Variants in PLAG1 observed in about 807,000 individuals in gnomAD.
PLAG1 encodes the protein PLAG1 zinc finger, also known as zinc finger protein PLAG1.
In PLAG1, 7 loss-of-function variants were observed where a neutral mutation model predicts 35.5. That is an observed-to-expected ratio of 0.20 (90% CI 0.11 to 0.37). PLAG1 has a LOEUF of 0.37. Ranked by LOEUF, PLAG1 falls within the 10% of genes least tolerant of loss-of-function variation. The pLI, the probability that PLAG1 is intolerant of heterozygous loss-of-function variation, is 1.00. For synonymous variants in PLAG1, 229 were observed against 225.4 expected, an observed-to-expected ratio of 1.02 and a Z score of -0.14; for missense variants, 454 against 602.8, an observed-to-expected ratio of 0.75 and a Z score of 2.58.
intron 1 of PLAG1, among the ~76,000 whole-genome samples, chr8:56,205,333 AT>A (rs1044042553): frequency 1.3e-5 from 2 of 151,850 alleles, no homozygotes; most frequent in Non-Finnish European, 3.0e-5. Context: ...GCAAAAAGTA[AT>A]TTTTCTTATT....
chr8:56,184,186 C>T (rs1563382821), intron 1 of PLAG1, among the ~76,000 whole-genome samples: 1 of 152,124 alleles, frequency 6.6e-6, no homozygotes, highest in Admixed American at 6.5e-5. Flanking sequence ...AAGATCTGAT[C>T]AGACATTTCA....
intron 1 of PLAG1, among the ~76,000 whole-genome samples, chr8:56,192,914 A>C (rs1033119633): frequency 2.6e-5 from 4 of 152,178 alleles, no homozygotes; most frequent in Admixed American, 2.0e-4. Flanking sequence ...AAAAGACAAA[A>C]AACCCGTTTC....
chr8:56,196,609 C>T (rs574706070), intron 1 of PLAG1, among the ~76,000 whole-genome samples: 1 of 152,180 alleles, frequency 6.6e-6, no homozygotes, highest in South Asian at 2.1e-4. Flanking sequence ...GCGAGCGTTT[C>T]CTGCCCCAAG....
At chr8:56,180,216 A>C (rs1320219115) in intron 1 of PLAG1, among the ~76,000 whole-genome samples, 4 of 152,260 alleles carry the variant, frequency 2.6e-5, no homozygotes, top group African/African-American at 9.6e-5. Context: ...AAAAGAAGCC[A>C]CAAGTTCTAT....
intron 2 of PLAG1, among the ~76,000 whole-genome samples, chr8:56,178,624 C>T (rs1192946880): frequency 6.6e-6 from 1 of 152,122 alleles, no homozygotes; most frequent in Non-Finnish European, 1.5e-5. Flanking sequence ...TGCCCAAGGC[C>T]TCCTTTCCCC....
chr8:56,189,549 C>A (rs1422218139), intron 1 of PLAG1, among the ~76,000 whole-genome samples: 2 of 152,170 alleles, frequency 1.3e-5, no homozygotes, highest in Non-Finnish European at 2.9e-5. Context: ...GTCACCAGTT[C>A]TACCATCAAG....
chr8:56,180,932 A>C (rs528073284), intron 1 of PLAG1, among the ~76,000 whole-genome samples: 1 of 152,310 alleles, frequency 6.6e-6, no homozygotes, highest in East Asian at 1.9e-4. Context: ...GACATTTGAA[A>C]CATATGAAAT....
rs138489179 is a variant in PLAG1, at chr8:56,167,310, T to C, written c.436A>G (p.Thr146Ala). ...FKRHLALHAA[T>A]SGDLTCKVCL... Reference sequence around the variant, plus strand: ...ACCTTACAGGTGAGGTCACCACTTGTTGCGGCATGCAAGGCCAAGTGACGT... The same window carrying C: ...ACCTTACAGGTGAGGTCACCACTTGCTGCGGCATGCAAGGCCAAGTGACGT... Residue 146 changes from threonine (T) to alanine (A), a missense_variant, in exon 5 of 5, where the codon ACA becomes GCA. Physicochemically the swap from Thr to Ala is moderately conservative, Grantham distance 58 (BLOSUM62 0). Coordinates refer to ENST00000316981, the MANE Select transcript of PLAG1 (RefSeq NM_002655.3). The surrounding 1 kb of genome is among the most constrained non-coding windows in gnomAD (Gnocchi z 5.9). 1.1e-4 allele frequency: 173 copies of C among 1,613,966 alleles called. No individual in the cohort carries two copies. Among genetic ancestry groups the C allele is most frequent in the Non-Finnish European group, 1.1e-4 (135 of 1,180,006 alleles).
chr8:56,203,532 A>T (rs2129235002), intron 1 of PLAG1, among the ~76,000 whole-genome samples: 1 of 152,238 alleles, frequency 6.6e-6, no homozygotes, highest in Non-Finnish European at 1.5e-5. Flanking sequence ...CATACAGCAT[A>T]GTTAAATCAG....
chr8:56,200,610 C>A (rs1029145830), intron 1 of PLAG1, among the ~76,000 whole-genome samples: 2 of 152,222 alleles, frequency 1.3e-5, no homozygotes, highest in Non-Finnish European at 2.9e-5. Context: ...AGGCTTTTCA[C>A]AATCAGATCT....
At chr8:56,191,315 G>A (rs535098438) in intron 1 of PLAG1, among the ~76,000 whole-genome samples, 59 of 152,298 alleles carry the variant, frequency 3.9e-4, no homozygotes, top group African/African-American at 1.4e-3. Flanking sequence ...CTAGAGAGAA[G>A]GAGGCCCAGA....
rs113113938 is a variant in PLAG1, at chr8:56,162,354, G to A, written c.*3889C>T. ...GGGAAGACAGTGTGCTTTGAGACAC[G>A]TAAACCTTGTAAAAAAATAAACCAT... is the stretch of plus-strand genomic sequence containing the variant. On this transcript the variant is annotated 3_prime_UTR_variant, in exon 5 of 5. Transcript: ENST00000316981. 2.0e-3 allele frequency: 450 copies of A among 223,464 alleles called. 3 individuals are homozygous for A. Among genetic ancestry groups the A allele is most frequent in the African/African-American group, 9.4e-3 (422 of 44,966 alleles). The allele number at this position is 223,464 out of a possible 1,614,324, so 13.8% of individuals were successfully genotyped here. A position where few individuals can be genotyped will look rare whatever the true frequency, so the allele number is the denominator to read the frequency against.
chr8:56,172,179 A>G (rs1811548626), intron 2 of PLAG1, among the ~76,000 whole-genome samples: 1 of 152,250 alleles, frequency 6.6e-6, no homozygotes, highest in Non-Finnish European at 1.5e-5. Context: ...ATCTAAAAAT[A>G]TCCCCTGTAA....
intron 1 of PLAG1, among the ~76,000 whole-genome samples, chr8:56,198,683 A>AC (rs1002077046): frequency 3.9e-5 from 6 of 152,080 alleles, no homozygotes; most frequent in Admixed American, 2.0e-4. Context: ...CTCCTGGCCC[A>AC]CCCCTTCTCA....
At chr8:56,177,453 A>G (rs1811735951) in intron 2 of PLAG1, among the ~76,000 whole-genome samples, 1 of 152,150 alleles carries the variant, frequency 6.6e-6, no homozygotes, top group African/African-American at 2.4e-5. Flanking sequence ...AACAATTAGA[A>G]GAGGTTTGTT....
At chr8:56,208,826 C>G (rs1447791177) in intron 1 of PLAG1, among the ~76,000 whole-genome samples, 1 of 152,148 alleles carries the variant, frequency 6.6e-6, no homozygotes, top group African/African-American at 2.4e-5. Context: ...TAAACACTTT[C>G]TGTTAAATAA....
At chr8:56,171,721 T>C (rs1353188274) in intron 2 of PLAG1, among the ~76,000 whole-genome samples, 1 of 152,202 alleles carries the variant, frequency 6.6e-6, no homozygotes, top group Non-Finnish European at 1.5e-5. Context: ...TTTTTCAGGA[T>C]GCTGCAAGGA....
At chr8:56,195,466 C>A (rs547105324) in intron 1 of PLAG1, among the ~76,000 whole-genome samples, 9 of 152,302 alleles carry the variant, frequency 5.9e-5, no homozygotes, top group African/African-American at 2.2e-4. Context: ...ACAGAGCTAG[C>A]TGGCCCACCA....
chr8:56,164,475 T>C lies in PLAG1; in HGVS notation c.*1768A>G, dbSNP rs1393489281. ...CATTTTTAGAAATTCTTGGTAAACATTGCAATCTGCAGTGATAACTGGCCC... is the reference window on the plus strand; with the variant it reads ...CATTTTTAGAAATTCTTGGTAAACACTGCAATCTGCAGTGATAACTGGCCC... On this transcript the variant is annotated 3_prime_UTR_variant, in exon 5 of 5. Coordinates refer to ENST00000316981, the MANE Select transcript of PLAG1 (RefSeq NM_002655.3). 4 of 222,300 alleles carry C rather than the reference T, an allele frequency of 1.8e-5. No individual in the cohort carries two copies. The highest frequency in any genetic ancestry group is 1.8e-4 in the South Asian group (1 of 5,410). The allele number at this position is 222,300 out of a possible 1,614,324, so 13.8% of individuals were successfully genotyped here. A position where few individuals can be genotyped will look rare whatever the true frequency, so the allele number is the denominator to read the frequency against.
Sources: allele counts gnomAD v4.1 joint callset (sites outside exome capture counted in the v4.1 genomes callset), GRCh38; gene constraint gnomAD v4.1.1; non-coding constraint Gnocchi (gnomAD v3.1); transcripts MANE v1.5; gene names NCBI Gene and HGNC (gene_info 2026-07-23, HGNC 2026-07-21).